The following ASPRV1 variants were observed in gnomAD, a reference collection of about 807,000 sequenced individuals.
ASPRV1 encodes the protein aspartic peptidase retroviral like 1, also known as retroviral-like aspartic protease 1.
In ASPRV1, 7 loss-of-function variants were observed where a neutral mutation model predicts 11.0. The ratio of observed to expected loss-of-function variants is 0.64; its 90% confidence interval spans 0.36 to 1.20. The LOEUF (loss-of-function observed/expected upper bound fraction) is 1.20, where lower values mean the gene tolerates loss of function less well. Ranked by LOEUF, ASPRV1 falls within the 50% of genes most tolerant of loss-of-function variation. ASPRV1 has a pLI of 0.02. For synonymous variants in ASPRV1, 136 were observed against 138.4 expected, an observed-to-expected ratio of 0.98 and a Z score of 0.12; for missense variants, 299 against 320.0, an observed-to-expected ratio of 0.93 and a Z score of 0.50.
the ASPRV1 span, chr2:70,085,478 C>T: frequency 6.6e-6 from 1 of 152,192 alleles, no homozygotes; most frequent in Non-Finnish European, 1.5e-5. Flanking sequence ...ACAAGCTCAC[C>T]TAAACGTTTT....
chr2:69,975,006 G>A, the ASPRV1 span, among the ~76,000 whole-genome samples: 1 of 152,186 alleles, frequency 6.6e-6, no homozygotes, highest in Admixed American at 6.5e-5. Flanking sequence ...TGGGGCAGGG[G>A]TCCCAGAGCC....
the ASPRV1 span, chr2:69,994,076 G>T: frequency 6.6e-6 from 1 of 152,326 alleles, no homozygotes; most frequent in Non-Finnish European, 1.5e-5. Context: ...AAGGCAGATG[G>T]GGCCAAGACT....
At chr2:70,034,156 A>T in the ASPRV1 span, among the ~76,000 whole-genome samples, 4 of 73,508 alleles carry the variant, frequency 5.4e-5, no homozygotes, top group South Asian at 3.1e-4. Flanking sequence ...CCATCTCATA[A>T]AAAAAAAAAA....
chr2:70,008,913 C>A, the ASPRV1 span, among the ~76,000 whole-genome samples: 18 of 152,180 alleles, frequency 1.2e-4, no homozygotes, highest in Non-Finnish European at 2.2e-4. Flanking sequence ...GAATCCTCAT[C>A]CTTTGATGAG....
the ASPRV1 span, among the ~76,000 whole-genome samples, chr2:70,037,939 A>G: frequency 6.6e-6 from 1 of 152,166 alleles, no homozygotes; most frequent in African/African-American, 2.4e-5. Flanking sequence ...TCCTAACACT[A>G]TCCTTTCCTG....
the ASPRV1 span, among the ~76,000 whole-genome samples, chr2:70,055,356 A>C: frequency 6.6e-6 from 1 of 152,178 alleles, no homozygotes; most frequent in Non-Finnish European, 1.5e-5. Flanking sequence ...AGCACTATTT[A>C]CAATAACAAA....
chr2:69,979,093 GGTGT>G, the ASPRV1 span, among the ~76,000 whole-genome samples: 5 of 152,154 alleles, frequency 3.3e-5, no homozygotes, highest in Non-Finnish European at 7.3e-5. Context: ...GGAGTGCAGT[GGTGT>G]GATCTCGGCT....
chr2:70,026,647 A>G, the ASPRV1 span, among the ~76,000 whole-genome samples: 1 of 152,122 alleles, frequency 6.6e-6, no homozygotes, highest in African/African-American at 2.4e-5. Flanking sequence ...AATTTAACCA[A>G]AGTAAAAGAT....
At chr2:69,948,480 G>C in the ASPRV1 span, among the ~76,000 whole-genome samples, 2 of 152,214 alleles carry the variant, frequency 1.3e-5, no homozygotes, top group Non-Finnish European at 2.9e-5. Context: ...AGATGGCACT[G>C]AGGGCCTGAC....
At chr2:70,061,728 C>G in the ASPRV1 span, among the ~76,000 whole-genome samples, 1 of 151,524 alleles carries the variant, frequency 6.6e-6, no homozygotes, top group African/African-American at 2.4e-5. Flanking sequence ...GCAAGTGGAT[C>G]ACCTGAGGTC....
the ASPRV1 span, among the ~76,000 whole-genome samples, chr2:69,969,378 G>T: frequency 1.4e-4 from 21 of 152,328 alleles, no homozygotes; most frequent in Admixed American, 1.2e-3. Context: ...CGAGGCTGCA[G>T]TCTGGCCCTC....
At chr2:69,935,291 C>G in the ASPRV1 span, 9 of 1,213,556 alleles carry the variant, frequency 7.4e-6, no homozygotes, top group East Asian at 2.4e-5. Context: ...CTCATTCTGC[C>G]TGGGGTGCTT....
the ASPRV1 span, chr2:69,938,021 AC>A: frequency 7.0e-7 from 1 of 1,425,934 alleles, no homozygotes; most frequent in South Asian, 1.3e-5. Context: ...TGCTGGGATT[AC>A]AAGCATGAGC....
At chr2:70,024,455 G>C in the ASPRV1 span, among the ~76,000 whole-genome samples, 965 of 152,264 alleles carry the variant, frequency 6.3e-3, 9 homozygotes, top group African/African-American at 0.022. Flanking sequence ...ACAGAGAGGG[G>C]CCGGTACTGC....
At chr2:70,020,634 T>G in the ASPRV1 span, among the ~76,000 whole-genome samples, 1 of 152,070 alleles carries the variant, frequency 6.6e-6, no homozygotes, top group South Asian at 2.1e-4. Flanking sequence ...CCCAGCTACT[T>G]GGGAGGCTGA....
At chr2:70,063,014 C>T in the ASPRV1 span, among the ~76,000 whole-genome samples, 71 of 152,240 alleles carry the variant, frequency 4.7e-4, no homozygotes, top group Admixed American at 2.0e-3. Flanking sequence ...GGTGCCTCAC[C>T]TCACAGAGAC....
the ASPRV1 span, among the ~76,000 whole-genome samples, chr2:70,044,156 C>T: frequency 6.6e-6 from 1 of 152,096 alleles, no homozygotes; most frequent in Non-Finnish European, 1.5e-5. Flanking sequence ...AAATGTTTCA[C>T]AATCAAAACT....
chr2:70,024,402 G>C, the ASPRV1 span, among the ~76,000 whole-genome samples: 1 of 152,150 alleles, frequency 6.6e-6, no homozygotes. Context: ...TTGCCAGCCT[G>C]GGCCTGTCAC....
At chr2:70,012,161 T>A in the ASPRV1 span, 4 of 151,182 alleles carry the variant, frequency 2.6e-5, no homozygotes, top group Non-Finnish European at 4.4e-5. Context: ...CAACATCATT[T>A]TTTTTTTTTT....
Sources: gnomAD v4.1 joint callset for allele counts (sites outside exome capture counted in the v4.1 genomes callset) on GRCh38, gnomAD v4.1.1 for gene constraint, MANE v1.5 for transcripts, NCBI Gene and HGNC (gene_info 2026-07-23, HGNC 2026-07-21) for gene names.